NEDD4L: variants seen among roughly 807,000 people sequenced by gnomAD.
NEDD4L encodes the protein E3 ubiquitin-protein ligase NEDD4-like.
In NEDD4L, 54 loss-of-function variants were observed where a neutral mutation model predicts 148.9. The ratio of observed to expected loss-of-function variants is 0.36; its 90% CI spans 0.29 to 0.45. The LOEUF is 0.45. Among genes scored for constraint, NEDD4L ranks in the 20% least tolerant of loss-of-function variants. NEDD4L has a pLI of 1.00. For missense variants in NEDD4L, 856 were observed against 1,233.8 expected (o/e 0.69, Z 4.59); for synonymous variants, 433 against 440.7 (o/e 0.98, Z 0.22).
intron 1 of NEDD4L, among the ~76,000 whole-genome samples, chr18:58,068,489 G>A (rs977373925): frequency 5.9e-5 from 9 of 152,108 alleles, no homozygotes; most frequent in South Asian, 2.1e-4. Flanking sequence ...ATGAGCCACC[G>A]CTCACAGCCG....
intron 1 of NEDD4L, among the ~76,000 whole-genome samples, chr18:58,119,798 G>A (rs901540596): frequency 2.6e-5 from 4 of 152,174 alleles, no homozygotes; most frequent in African/African-American, 4.8e-5. Context: ...CATGCCCTGG[G>A]GTTCACACCC....
intron 1 of NEDD4L, among the ~76,000 whole-genome samples, chr18:58,125,188 C>G (rs879363637): frequency 6.6e-6 from 1 of 152,318 alleles, no homozygotes; most frequent in South Asian, 2.1e-4. Flanking sequence ...TGTGAGGCAT[C>G]GCGCCTGGCC....
intron 24 of NEDD4L, among the ~76,000 whole-genome samples, chr18:58,382,729 A>G (rs1179430946): frequency 6.6e-6 from 1 of 152,210 alleles, no homozygotes; most frequent in Non-Finnish European, 1.5e-5. Context: ...TCCAATGCAA[A>G]TAAATGCCTT....
intron 5 of NEDD4L, among the ~76,000 whole-genome samples, chr18:58,259,780 G>C (rs1262708720): frequency 6.6e-6 from 1 of 152,234 alleles, no homozygotes; most frequent in Non-Finnish European, 1.5e-5. Context: ...TTGGAGAAGA[G>C]AGCGTTCTTT....
At chr18:58,257,443 C>T (rs1204523534) in intron 5 of NEDD4L, among the ~76,000 whole-genome samples, 3 of 151,966 alleles carry the variant, frequency 2.0e-5, no homozygotes. Flanking sequence ...CTAACAGATG[C>T]GTTTTTAAAG....
At chr18:58,278,933 G>T (rs1163552794) in intron 5 of NEDD4L, among the ~76,000 whole-genome samples, 2 of 152,106 alleles carry the variant, frequency 1.3e-5, no homozygotes, top group African/African-American at 4.8e-5. Context: ...GTGCAGTGGT[G>T]CAGTCTCAGC....
chr18:58,113,973 C>T (rs965119967), intron 1 of NEDD4L, among the ~76,000 whole-genome samples: 2 of 152,234 alleles, frequency 1.3e-5, no homozygotes, highest in African/African-American at 4.8e-5. Context: ...TTTCTGTCCT[C>T]TGTCCCCTGT....
intron 1 of NEDD4L, among the ~76,000 whole-genome samples, chr18:58,161,636 G>A (rs552578512): frequency 4.6e-5 from 7 of 152,110 alleles, no homozygotes; most frequent in Admixed American, 1.3e-4. Flanking sequence ...GTACTGGAGG[G>A]TAGACTGCTA....
intron 1 of NEDD4L, among the ~76,000 whole-genome samples, chr18:58,059,219 G>T (rs561408370): frequency 1.3e-5 from 2 of 151,990 alleles, no homozygotes; most frequent in African/African-American, 2.4e-5. Flanking sequence ...GTGAGCCACC[G>T]TGCTCAGCCC....
intron 1 of NEDD4L, among the ~76,000 whole-genome samples, chr18:58,088,654 T>C (rs2083892336): frequency 6.6e-6 from 1 of 152,230 alleles, no homozygotes; most frequent in Non-Finnish European, 1.5e-5. Flanking sequence ...TAAATGCAGC[T>C]GGGGACATGG....
At chr18:58,113,837 G>T (rs2085575251) in intron 1 of NEDD4L, among the ~76,000 whole-genome samples, 1 of 152,126 alleles carries the variant, frequency 6.6e-6, no homozygotes, top group South Asian at 2.1e-4. Context: ...TGGGGTTGGT[G>T]GCAAGAATAG....
chr18:58,324,320 C>A (rs2059117182), intron 8 of NEDD4L, among the ~76,000 whole-genome samples: 1 of 152,200 alleles, frequency 6.6e-6, no homozygotes, highest in African/African-American at 2.4e-5. Context: ...AAAATACGTG[C>A]TGTAAAAATG....
chr18:58,300,515 T>A (rs1341726694), intron 5 of NEDD4L, among the ~76,000 whole-genome samples: 2 of 152,156 alleles, frequency 1.3e-5, no homozygotes, highest in African/African-American at 4.8e-5. Flanking sequence ...CTACACCAAG[T>A]CACCATCCAA....
chr18:58,353,224 C>T (rs2044149671), intron 18 of NEDD4L, among the ~76,000 whole-genome samples: 1 of 152,214 alleles, frequency 6.6e-6, no homozygotes. Context: ...TGGGCTTTTC[C>T]TTACTCCTGA....
At chr18:58,339,420 G>C (rs1343836859) in intron 13 of NEDD4L, among the ~76,000 whole-genome samples, 2 of 152,112 alleles carry the variant, frequency 1.3e-5, no homozygotes, top group Non-Finnish European at 2.9e-5. Flanking sequence ...GGAGGAAGGA[G>C]CTTCACTCAG....
At chr18:58,261,775 A>G (rs2049419130) in intron 5 of NEDD4L, among the ~76,000 whole-genome samples, 1 of 152,220 alleles carries the variant, frequency 6.6e-6, no homozygotes, top group South Asian at 2.1e-4. Context: ...TCAATGATCT[A>G]GCACATTTTT....
At chr18:58,356,635 T>C (rs991110088) in intron 18 of NEDD4L, among the ~76,000 whole-genome samples, 20 of 152,262 alleles carry the variant, frequency 1.3e-4, no homozygotes, top group Non-Finnish European at 4.4e-5. Flanking sequence ...CTCTGCTGTA[T>C]CTAATTCTCT....
At chr18:58,099,522 GCTTT>G (rs1307479580) in intron 1 of NEDD4L, among the ~76,000 whole-genome samples, 1 of 152,242 alleles carries the variant, frequency 6.6e-6, no homozygotes, top group Non-Finnish European at 1.5e-5. Flanking sequence ...CCAGCCAGCA[GCTTT>G]CTTCCTTTAG....
chr18:58,288,756 A>G (rs917192792), intron 5 of NEDD4L, among the ~76,000 whole-genome samples: 8 of 152,278 alleles, frequency 5.3e-5, no homozygotes, highest in Non-Finnish European at 7.3e-5. Flanking sequence ...AATGTTCACT[A>G]TGCGACGTTC....
Sources: allele counts gnomAD v4.1 joint callset (sites outside exome capture counted in the v4.1 genomes callset), GRCh38; gene constraint gnomAD v4.1.1; transcripts MANE v1.5; gene names NCBI Gene and HGNC (gene_info 2026-07-23, HGNC 2026-07-21).